Variants in TG observed in about 807,000 individuals in gnomAD.
TG encodes the protein thyroid hormones.
TG carries 270 observed loss-of-function variants against 324.7 expected under a neutral mutation model. The observed-to-expected ratio is 0.83, with a 90% CI of 0.75 to 0.92. TG has a LOEUF of 0.92. Among genes scored for constraint, TG ranks in the 40% least tolerant of loss-of-function variants. TG has a pLI of 0.00. For synonymous variants in TG, 1,401 were observed against 1,327.0 expected (o/e 1.06, Z -1.21); for missense variants, 3,591 against 3,456.4 (o/e 1.04, Z -0.98).
chr8:132,878,097 C>A (rs1001370592), intron 5 of TG, among the ~76,000 whole-genome samples: 1 of 152,098 alleles, frequency 6.6e-6, no homozygotes, highest in African/African-American at 2.4e-5. Flanking sequence ...GCTCTGGGAT[C>A]CCTGTAACCA....
intron 35 of TG, among the ~76,000 whole-genome samples, chr8:133,011,642 A>T (rs1834518837): frequency 6.6e-6 from 1 of 152,192 alleles, no homozygotes; most frequent in Non-Finnish European, 1.5e-5. Flanking sequence ...TGCTTAATAG[A>T]AACAGCCATG....
At chr8:132,905,973 A>G (rs912410004) in intron 16 of TG, among the ~76,000 whole-genome samples, 7 of 152,106 alleles carry the variant, frequency 4.6e-5, no homozygotes, top group Non-Finnish European at 1.0e-4. Flanking sequence ...GGAGGAGATG[A>G]GAGTGAAGAG....
intron 41 of TG, chr8:133,040,233 C>A: frequency 2.3e-6 from 3 of 1,289,074 alleles, no homozygotes; most frequent in Non-Finnish European, 1.1e-6. Flanking sequence ...TGGCTGCTGC[C>A]ATGGGGAACT....
intron 35 of TG, chr8:133,002,158 T>C (rs900831618): frequency 1.0e-5 from 10 of 985,350 alleles, no homozygotes; most frequent in Non-Finnish European, 1.2e-5. Flanking sequence ...ACAAAAATGC[T>C]TGGAGGCACT....
chr8:133,057,321 A>C (rs1274727720), intron 41 of TG, among the ~76,000 whole-genome samples: 1 of 152,190 alleles, frequency 6.6e-6, no homozygotes, highest in Non-Finnish European at 1.5e-5. Flanking sequence ...GTATTAAAAA[A>C]TCCTGTACTG....
At chr8:133,009,226 C>G (rs1294701202) in intron 35 of TG, among the ~76,000 whole-genome samples, 1 of 152,226 alleles carries the variant, frequency 6.6e-6, no homozygotes, top group Non-Finnish European at 1.5e-5. Context: ...TAGAACTTCT[C>G]TAAAATTGCA....
chr8:132,899,956 G>A (rs1471189178), intron 14 of TG, among the ~76,000 whole-genome samples: 3 of 152,244 alleles, frequency 2.0e-5, no homozygotes, highest in African/African-American at 7.2e-5. Context: ...CCAGCTGTGA[G>A]TTGTTGCCCC....
At chr8:133,079,602 G>A (rs756100415) in intron 41 of TG, among the ~76,000 whole-genome samples, 2 of 152,174 alleles carry the variant, frequency 1.3e-5, no homozygotes, top group African/African-American at 2.4e-5. Flanking sequence ...CGGCAGATGT[G>A]ATGTTGCAGC....
At chr8:132,957,770 C>CACACACACACACACAG (rs1554680156) in intron 27 of TG, among the ~76,000 whole-genome samples, 1 of 149,804 alleles carries the variant, frequency 6.7e-6, no homozygotes, top group Admixed American at 6.6e-5. Flanking sequence ...CACACACACA[C>CACACACACACACACAG]ACACACACAC....
intron 45 of TG, among the ~76,000 whole-genome samples, chr8:133,122,143 C>T (rs1851194196): frequency 6.6e-6 from 1 of 152,158 alleles, no homozygotes. Context: ...CGAATTATTG[C>T]TTTCTTATAG....
chr8:132,963,891 A>C (rs1326399640), intron 29 of TG, among the ~76,000 whole-genome samples: 1 of 152,110 alleles, frequency 6.6e-6, no homozygotes, highest in Non-Finnish European at 1.5e-5. Context: ...CACTGACTAC[A>C]TGCCTTAGTG....
chr8:132,945,381 C>T (rs993939089), intron 26 of TG, among the ~76,000 whole-genome samples: 1 of 152,048 alleles, frequency 6.6e-6, no homozygotes, highest in African/African-American at 2.4e-5. Flanking sequence ...CTAGCTTGTT[C>T]ACCTGTTGTG....
At chr8:132,905,010 C>T (rs746146573) in intron 16 of TG, among the ~76,000 whole-genome samples, 5 of 152,034 alleles carry the variant, frequency 3.3e-5, no homozygotes, top group Admixed American at 6.5e-5. Context: ...TCAGTATTGG[C>T]GTCTGTATAG....
Position 132,913,269 on chromosome 8 carries a change from G to A in TG, c.4378+4G>A, listed in dbSNP as rs1476993619. 6.2e-7 allele frequency: 1 copy of A among 1,613,514 alleles called. No homozygotes were observed. Among genetic ancestry groups the A allele is most frequent in the East Asian group, 2.2e-5 (1 of 44,880 alleles). The stretch of plus-strand genomic sequence containing the variant: ...AGTCAGGACGGACTGGGATGCGGTA[G>A]GTCCACTCTCTCCCTGGATATCTCC... On this transcript the variant is annotated splice_donor_region_variant and intron_variant, in intron 20 of 47. Transcript: ENST00000220616.
chr8:133,116,108 A>G (rs1679780453), intron 44 of TG, among the ~76,000 whole-genome samples: 1 of 151,994 alleles, frequency 6.6e-6, no homozygotes, highest in South Asian at 2.1e-4. Flanking sequence ...TGGGGTGGCA[A>G]AATCTCGCCT....
At chr8:133,083,848 A>G (rs1846101106) in intron 41 of TG, among the ~76,000 whole-genome samples, 1 of 152,056 alleles carries the variant, frequency 6.6e-6, no homozygotes, top group South Asian at 2.1e-4. Context: ...GGTTCTAGTG[A>G]AGCCACCTCC....
intron 8 of TG, 33 bp downstream of exon 8, chr8:132,883,032 C>T (rs1346650394): frequency 6.2e-7 from 1 of 1,606,268 alleles, no homozygotes; most frequent in Non-Finnish European, 8.5e-7. Flanking sequence ...CTCTTTCGGC[C>T]TCGGATCATA....
At chr8:132,989,969 T>G (rs1832102139) in intron 35 of TG, among the ~76,000 whole-genome samples, 1 of 151,926 alleles carries the variant, frequency 6.6e-6, no homozygotes, top group Non-Finnish European at 1.5e-5. Context: ...ATAAGCAATA[T>G]CAGTCTAGCA....
intron 30 of TG, 67 bp from the exon 31 acceptor site, chr8:132,967,727 C>T (rs1489634509): frequency 6.4e-7 from 1 of 1,562,702 alleles, no homozygotes. Context: ...CCCAGAGAAT[C>T]CTGTAGAGAT....
Sources: gnomAD v4.1 joint callset for allele counts (sites outside exome capture counted in the v4.1 genomes callset) on GRCh38, gnomAD v4.1.1 for gene constraint, MANE v1.5 for transcripts, NCBI Gene and HGNC (gene_info 2026-07-23, HGNC 2026-07-21) for gene names.